SPIDR: variants seen among roughly 807,000 people sequenced by gnomAD.
The protein encoded by SPIDR is scaffold protein involved in DNA repair, also known as DNA repair-scaffolding protein.
A neutral mutation model predicts 104.6 loss-of-function variants in SPIDR; 93 were observed. The observed-to-expected ratio is 0.89, with a 90% CI of 0.75 to 1.06. SPIDR has a LOEUF of 1.06. SPIDR is among the 50% of genes least tolerant of loss of function. The pLI is 0.00. For missense variants in SPIDR, 1,154 were observed against 1,111.2 expected (o/e 1.04, Z -0.55); for synonymous variants, 431 against 416.9 (o/e 1.03, Z -0.41).
intron 1 of SPIDR, among the ~76,000 whole-genome samples, chr8:47,262,890 T>C (rs190650704): frequency 3.3e-5 from 5 of 152,298 alleles, no homozygotes; most frequent in East Asian, 3.9e-4. Context: ...ATGCTCCCAT[T>C]CCATCTTCAG....
At chr8:47,502,038 C>T (rs530489443) in intron 8 of SPIDR, among the ~76,000 whole-genome samples, 3 of 152,262 alleles carry the variant, frequency 2.0e-5, no homozygotes, top group South Asian at 2.1e-4. Context: ...ATGCTGGATT[C>T]GGTTTGCCAG....
At chr8:47,404,315 A>C (rs781784783) in intron 6 of SPIDR, among the ~76,000 whole-genome samples, 1 of 152,250 alleles carries the variant, frequency 6.6e-6, no homozygotes, top group Non-Finnish European at 1.5e-5. Context: ...CTAAAACACC[A>C]AAAGCAATGG....
At chr8:47,494,502 C>T (rs28677963) in intron 8 of SPIDR, among the ~76,000 whole-genome samples, 67 of 152,104 alleles carry the variant, frequency 4.4e-4, no homozygotes, top group Admixed American at 1.2e-3. Flanking sequence ...ACTGAATGAA[C>T]GGTTTGTTTA....
chr8:47,715,074 C>T (rs929692956), intron 16 of SPIDR, among the ~76,000 whole-genome samples: 1 of 152,126 alleles, frequency 6.6e-6, no homozygotes, highest in Non-Finnish European at 1.5e-5. Flanking sequence ...ATTCACGCCC[C>T]GTTACCACCC....
At position 47,482,298 on chromosome 8, in the gene SPIDR, A is replaced by T. The variant is rs557524777; in HGVS notation, c.1097+41756A>T. Among the ~76,000 whole-genome samples, 3 of 152,158 alleles carry T rather than the reference A, an allele frequency of 2.0e-5. No homozygotes were observed. In the East Asian group the frequency reaches 5.8e-4, roughly 29 times the overall value. On this transcript the variant is annotated intron_variant, in intron 8 of 19. Transcript: ENST00000297423. ...CACTTTGGGAGGCTGAGCCGAGCATAGTGGGGTGTGCCTATAGTCCCAGCT... is the reference window on the plus strand; with the variant it reads ...CACTTTGGGAGGCTGAGCCGAGCATTGTGGGGTGTGCCTATAGTCCCAGCT...
chr8:47,340,107 T>G (rs2050457983), intron 5 of SPIDR, among the ~76,000 whole-genome samples: 1 of 152,196 alleles, frequency 6.6e-6, no homozygotes, highest in East Asian at 1.9e-4. Flanking sequence ...TTATTTTTAG[T>G]GGCTGTTATG....
chr8:47,276,904 C>A (rs1234490293), intron 1 of SPIDR: 6 of 149,726 alleles, frequency 4.0e-5, no homozygotes, highest in African/African-American at 1.5e-4. Context: ...GAATGTAAGG[C>A]ATTATGAGTT....
At chr8:47,691,960 A>G (rs369208588) in intron 11 of SPIDR, among the ~76,000 whole-genome samples, 1 of 152,234 alleles carries the variant, frequency 6.6e-6, no homozygotes, top group East Asian at 1.9e-4. Flanking sequence ...CTTTTATTGC[A>G]GAAGTCCCCA....
chr8:47,450,473 A>G (rs1554705180), intron 8 of SPIDR, among the ~76,000 whole-genome samples: 2 of 152,194 alleles, frequency 1.3e-5, no homozygotes, highest in East Asian at 1.9e-4. Context: ...ACTTCAGGAA[A>G]CACATTCAGA....
At position 47,440,343 on chromosome 8, in the gene SPIDR, A is replaced by G; in HGVS notation, c.898A>G (p.Thr300Ala). The G allele has an allele frequency of 1.2e-6, 2 of 1,614,144 alleles. No homozygotes were observed. Among genetic ancestry groups the G allele is most frequent in the East Asian group, 4.5e-5 (2 of 44,884 alleles). Residue 300 changes from threonine (T) to alanine (A), a missense_variant, in exon 8 of 20, where the codon ACT (threonine) becomes GCT (alanine). By Grantham distance (58) the Thr-to-Ala change is moderately conservative (BLOSUM62 0). Transcript: ENST00000297423. ...TLSGRKSGVL[T>A]VKILELHEEC... ...TCTAGGTAGAAAATCTGGTGTATTA[A>G]CTGTGAAAATTTTAGAGCTGCATGA...
chr8:47,655,903 C>T (rs2072703810), intron 10 of SPIDR, among the ~76,000 whole-genome samples: 1 of 152,130 alleles, frequency 6.6e-6, no homozygotes, highest in Non-Finnish European at 1.5e-5. Context: ...CTTAAAAAGG[C>T]ATAATGCCTT....
chr8:47,527,381 TAC>T (rs2085185531), intron 8 of SPIDR: 2 of 152,148 alleles, frequency 1.3e-5, no homozygotes, highest in Non-Finnish European at 2.9e-5. Flanking sequence ...GGCACAGGCT[TAC>T]TAAAGACCTA....
intron 5 of SPIDR, among the ~76,000 whole-genome samples, chr8:47,388,663 C>A (rs1303026093): frequency 2.0e-5 from 3 of 152,212 alleles, no homozygotes; most frequent in Non-Finnish European, 4.4e-5. Flanking sequence ...TGACCCCTGA[C>A]AGAAGTCTTA....
At chr8:47,538,521 A>G (rs2087400725) in intron 8 of SPIDR, among the ~76,000 whole-genome samples, 1 of 152,118 alleles carries the variant, frequency 6.6e-6, no homozygotes, top group African/African-American at 2.4e-5. Context: ...CCCAACCTAG[A>G]CAACAGAGTG....
At chr8:47,518,671 C>G (rs954863645) in intron 8 of SPIDR, among the ~76,000 whole-genome samples, 3 of 150,256 alleles carry the variant, frequency 2.0e-5, no homozygotes, top group Non-Finnish European at 3.0e-5. Flanking sequence ...GAGTCTTGCT[C>G]TGTCGCCCAG....
In SPIDR at chr8:47,716,330, C is replaced by T. The variant is rs1016374185; in HGVS notation, c.2341+2689C>T. On this transcript the variant is annotated intron_variant, in intron 16 of 19. Coordinates refer to ENST00000297423, the MANE Select transcript of SPIDR (RefSeq NM_001080394.4). ...GATGGCTGGTGTTCCTCACCCTTAC[C>T]TATAACTAGTTCCTGACTTTTTATA... 8.1e-4 allele frequency among the ~76,000 whole-genome samples: 124 copies of T among 152,254 alleles called. 3 individuals are homozygous for T. The highest frequency in any genetic ancestry group is 8.0e-3 in the Admixed American group (122 of 15,288).
In SPIDR at chr8:47,727,229, G is replaced by A; in HGVS notation, c.2371G>A (p.Ala791Thr). 1 of 1,614,140 alleles carries A rather than the reference G, an allele frequency of 6.2e-7. No individual in the cohort carries two copies. The highest frequency in any genetic ancestry group is 1.1e-5 in the South Asian group (1 of 91,088). The change falls in exon 17 of 20, where the codon GCT becomes ACT. Residue 791 changes from alanine to threonine, a missense_variant. Coordinates refer to ENST00000297423, the MANE Select transcript of SPIDR (RefSeq NM_001080394.4). ...GTVVGVDEST[A>T]FSWPVCDMCG... Reference sequence around the variant, plus strand: ...TGTGGTTGGCGTGGACGAGAGCACTGCTTTCTCATGGCCTGTGTGTGACAT... The same window carrying A: ...TGTGGTTGGCGTGGACGAGAGCACTACTTTCTCATGGCCTGTGTGTGACAT...
intron 5 of SPIDR, among the ~76,000 whole-genome samples, chr8:47,340,603 AAAAAC>A (rs1261432831): frequency 2.6e-5 from 4 of 152,146 alleles, no homozygotes; most frequent in African/African-American, 9.7e-5. Context: ...CCGTGTGTGA[AAAAAC>A]AAAACAACAA....
At chr8:47,632,419 G>A (rs2067203889) in intron 10 of SPIDR, among the ~76,000 whole-genome samples, 1 of 151,968 alleles carries the variant, frequency 6.6e-6, no homozygotes, top group South Asian at 2.1e-4. Flanking sequence ...TGACAGCCTG[G>A]TTCATTAGTA....
Sources: gnomAD v4.1 joint callset for allele counts (sites outside exome capture counted in the v4.1 genomes callset) on GRCh38, gnomAD v4.1.1 for gene constraint, MANE v1.5 for transcripts, NCBI Gene and HGNC (gene_info 2026-07-23, HGNC 2026-07-21) for gene names.